Variants in ITLN1 observed in about 807,000 individuals in gnomAD.
ITLN1 encodes the protein intelectin 1.
Under a neutral mutation model 36.2 loss-of-function variants are expected in ITLN1, and 29 were observed. The ratio of observed to expected loss-of-function variants is 0.80; its 90% CI spans 0.60 to 1.09. ITLN1 has a LOEUF of 1.09. ITLN1 is among the 50% of genes least tolerant of loss of function. ITLN1 has a pLI of 0.00. For missense variants in ITLN1, 358 were observed against 405.2 expected, an observed-to-expected ratio of 0.88 and a Z score of 1.00; for synonymous variants, 143 against 146.5, an observed-to-expected ratio of 0.98 and a Z score of 0.17.
intron 1 of ITLN1, 28 bp from the exon 2 acceptor site, chr1:160,884,911 T>C (rs986101486): frequency 6.5e-7 from 1 of 1,535,672 alleles, no homozygotes; most frequent in Non-Finnish European, 9.0e-7. Context: ...AAGGTCACCA[T>C]CTTGGCCATC....
intron 7 of ITLN1, among the ~76,000 whole-genome samples, chr1:160,877,432 AC>A (rs1287156747): frequency 6.6e-6 from 1 of 152,104 alleles, no homozygotes; most frequent in Non-Finnish European, 1.5e-5. Context: ...GGCCTCAATT[AC>A]TAAAAATTCA....
rs747683503 is a variant in ITLN1, at chr1:160,882,063, C to T, written c.299G>A (p.Trp100Ter). Reference protein sequence around the residue: ...MRGKCTVGDRWSSQQGSKAVY... With the variant: ...MRGKCTVGDR ...TGCTTTGCTGCCCTGCTGACTGGAC[C>T]AGCGATCGCCCACCGTGCACTTCCC... The change falls in exon 4 of 8, where the codon TGG (tryptophan) becomes TAG (stop). Residue 100 changes from tryptophan to a stop codon, truncating the protein, a stop_gained. Transcript: ENST00000326245. LOFTEE classifies it high-confidence loss of function. 19 of 1,614,108 alleles carry T rather than the reference C, an allele frequency of 1.2e-5. No homozygotes were observed. Among genetic ancestry groups the T allele is most frequent in the Non-Finnish European group, 1.6e-5 (19 of 1,180,022 alleles).
chr1:160,882,341 G>T, intron 3 of ITLN1, 137 bp from the exon 4 acceptor site: 1 of 1,049,846 alleles, frequency 9.5e-7, no homozygotes, highest in Non-Finnish European at 1.3e-6. Flanking sequence ...AGTGCTCCCA[G>T]GGGTACTGGG....
At position 160,876,643 on chromosome 1, in the gene ITLN1, G is replaced by C; in HGVS notation, c.*21C>G. 1 of 1,613,342 alleles carries C rather than the reference G, an allele frequency of 6.2e-7. No homozygotes were observed. Among genetic ancestry groups the C allele is most frequent in the Non-Finnish European group, 8.5e-7 (1 of 1,179,442 alleles). On this transcript the variant is annotated 3_prime_UTR_variant, in exon 8 of 8. Coordinates refer to ENST00000326245, the MANE Select transcript of ITLN1 (RefSeq NM_017625.3). ...ATCTCATGGTTGGGAGGAGAGGTCT[G>C]GGTTCCCTCCCACAAAACTCTCAAC...
At chr1:160,882,374 A>C in intron 3 of ITLN1, 170 bp from the exon 4 acceptor site, 1 of 677,322 alleles carries the variant, frequency 1.5e-6, no homozygotes, top group Non-Finnish European at 2.3e-6. Context: ...TCAGAAGATC[A>C]TGCTCCTGTA....
intron 7 of ITLN1, 140 bp from the exon 8 acceptor site, chr1:160,876,956 A>G (rs1478639002): frequency 1.1e-6 from 1 of 884,594 alleles, no homozygotes; most frequent in Non-Finnish European, 1.7e-6. Flanking sequence ...TCCCATAAAA[A>G]CCTCTCTTCC....
At chr1:160,880,256 G>A (rs1336742315) in intron 6 of ITLN1, among the ~76,000 whole-genome samples, 1 of 150,954 alleles carries the variant, frequency 6.6e-6, no homozygotes, top group African/African-American at 2.4e-5. Context: ...AGTGAGCTGA[G>A]ACTGCGCCAT....
Position 160,881,137 on chromosome 1 carries a change from C to A in ITLN1, c.564+17G>T. 1.3e-6 allele frequency: 2 copies of A among 1,584,482 alleles called. No homozygotes were observed. The highest frequency in any genetic ancestry group is 8.6e-7 in the Non-Finnish European group (1 of 1,165,254). ...GTACACCCATGAAAACCAGTCCCAG[C>A]CAGCAGCCTTCTGTACCTGGTAGAT... is the stretch of plus-strand genomic sequence containing the variant. On this transcript the variant is annotated intron_variant, in intron 5 of 7. Transcript: ENST00000326245.
At chr1:160,881,826 G>C in intron 4 of ITLN1, 131 bp downstream of exon 4, 1 of 1,038,088 alleles carries the variant, frequency 9.6e-7, no homozygotes, top group Non-Finnish European at 1.4e-6. Context: ...AAAAAAAAAA[G>C]ATATAAGTAT....
In ITLN1 at chr1:160,881,858, A is replaced by G. The variant is rs1292336360; in HGVS notation, c.405+99T>C. ...GTATTTCTCTCTTCTTCTCCAGCCC[A>G]TCCCACACCCCTACCTTCCAGCCAT... On this transcript the variant is annotated intron_variant, in intron 4 of 7. Coordinates refer to ENST00000326245, the MANE Select transcript of ITLN1 (RefSeq NM_017625.3). 9 of 1,496,522 alleles carry G rather than the reference A, an allele frequency of 6.0e-6. No individual in the cohort carries two copies. In the African/African-American group the frequency reaches 1.3e-4, roughly 22 times the overall value. The allele number at this position is 1,496,522 out of a possible 1,614,324, so 92.7% of individuals were successfully genotyped here. A position where few individuals can be genotyped will look rare whatever the true frequency, so the allele number is the denominator to read the frequency against.
intron 3 of ITLN1, among the ~76,000 whole-genome samples, chr1:160,882,629 T>C (rs1670701304): frequency 6.6e-6 from 1 of 152,104 alleles, no homozygotes; most frequent in South Asian, 2.1e-4. Context: ...TGTGTGTGCA[T>C]ATATGTATCT....
intron 6 of ITLN1, 56 bp from the exon 7 acceptor site, chr1:160,879,470 T>C: frequency 7.1e-7 from 1 of 1,411,974 alleles, no homozygotes; most frequent in Non-Finnish European, 1.0e-6. Context: ...ATTGCTTTCC[T>C]TAGGCCAGCC....
chr1:160,881,354 C>A (rs1464403973), intron 4 of ITLN1, 42 bp from the exon 5 acceptor site: 2 of 1,521,774 alleles, frequency 1.3e-6, no homozygotes, highest in East Asian at 2.3e-5. Context: ...GCCAGGAGGT[C>A]CCAGGAGGCA....
At chr1:160,882,332 G>A in intron 3 of ITLN1, 128 bp from the exon 4 acceptor site, 4 of 1,230,200 alleles carry the variant, frequency 3.3e-6, no homozygotes, top group Non-Finnish European at 4.4e-6. Context: ...ACATCACTAA[G>A]TGCTCCCAGG....
chr1:160,881,093 C>A (rs1267892581), intron 5 of ITLN1, 61 bp downstream of exon 5: 1 of 1,514,426 alleles, frequency 6.6e-7, no homozygotes, highest in Admixed American at 2.1e-5. Flanking sequence ...CCTGCCCAAC[C>A]TCTAACACTT....
intron 4 of ITLN1, 156 bp from the exon 5 acceptor site, chr1:160,881,468 A>G: frequency 1.3e-6 from 1 of 793,204 alleles, no homozygotes; most frequent in Non-Finnish European, 1.9e-6. Context: ...CGATGATCCC[A>G]CCACACCCAG....
chr1:160,883,635 G>T, intron 2 of ITLN1, 109 bp from the exon 3 acceptor site: 5 of 718,136 alleles, frequency 7.0e-6, no homozygotes, highest in South Asian at 3.2e-5. Flanking sequence ...CTCGCTGCCC[G>T]GGTGGTAAGG....
chr1:160,881,681 C>T (rs11265507), intron 4 of ITLN1, among the ~76,000 whole-genome samples: 6,488 of 151,598 alleles, frequency 0.043, 347 homozygotes, highest in African/African-American at 0.12. Context: ...TGGTAGTGGG[C>T]GCTTGTAGTC....
intron 7 of ITLN1, 31 bp from the exon 8 acceptor site, chr1:160,876,847 T>A (rs1181728275): frequency 1.2e-6 from 2 of 1,609,350 alleles, no homozygotes; most frequent in Non-Finnish European, 1.7e-6. Context: ...GAGGCAGTAA[T>A]GAGAGATCTG....
Sources: allele counts gnomAD v4.1 joint callset (sites outside exome capture counted in the v4.1 genomes callset), GRCh38; gene constraint gnomAD v4.1.1; transcripts MANE v1.5; gene names NCBI Gene and HGNC (gene_info 2026-07-23, HGNC 2026-07-21).